CALCOCO2: variants seen among roughly 807,000 people sequenced by gnomAD.
CALCOCO2 encodes the protein calcium-binding and coiled-coil domain-containing protein 2.
Under a neutral mutation model 62.5 loss-of-function variants are expected in CALCOCO2, and 42 were observed. The ratio of observed to expected loss-of-function variants is 0.67; its 90% CI spans 0.53 to 0.87. CALCOCO2 has a LOEUF of 0.87. Among genes scored for constraint, CALCOCO2 ranks in the 40% least tolerant of loss-of-function variants. The pLI is 0.00. For missense variants in CALCOCO2, 456 were observed against 515.0 expected, an observed-to-expected ratio of 0.89 and a Z score of 1.11; for synonymous variants, 167 against 173.0, an observed-to-expected ratio of 0.97 and a Z score of 0.27.
At chr17:48,852,314 A>C in intron 7 of CALCOCO2, 192 bp from the exon 8 acceptor site, 1 of 543,652 alleles carries the variant, frequency 1.8e-6, no homozygotes, top group Non-Finnish European at 3.3e-6. Flanking sequence ...AGCAGATAGC[A>C]GAACTGCTCT....
At position 48,864,068 on chromosome 17, in the gene CALCOCO2, T is replaced by TTC. The variant is rs1239081945; in HGVS notation, c.*1064_*1065insCT. On this transcript the variant is annotated 3_prime_UTR_variant, in exon 13 of 13. Transcript: ENST00000258947. ...CAAGGCCCTGGCTTGCTTTCTTTCT[T>TTC]TTTTTTTTTTTTTTTTTGAAACAGT... 8.6e-5 allele frequency: 10 copies of TTC among 116,248 alleles called. No homozygotes were observed. The highest frequency in any genetic ancestry group is 4.7e-4 in the Admixed American group (6 of 12,780). The allele number at this position is 116,248 out of a possible 1,614,324, so 7.2% of individuals were successfully genotyped here.
At chr17:48,840,218 C>G (rs910319408) in intron 1 of CALCOCO2, among the ~76,000 whole-genome samples, 1 of 152,138 alleles carries the variant, frequency 6.6e-6, no homozygotes, top group Non-Finnish European at 1.5e-5. Context: ...CAGCCTAGAC[C>G]TCCCAGGCTC....
At chr17:48,856,285 T>G in intron 10 of CALCOCO2, 98 bp downstream of exon 10, 1 of 621,370 alleles carries the variant, frequency 1.6e-6, no homozygotes, top group Non-Finnish European at 2.9e-6. Flanking sequence ...TTAAGGGCCC[T>G]TTCTGGGACA....
At position 48,863,894 on chromosome 17, in the gene CALCOCO2, C is replaced by T. The variant is rs948299811; in HGVS notation, c.*889C>T. 6.6e-6 allele frequency: 1 copy of T among 151,934 alleles called. No individual in the cohort carries two copies. The highest frequency in any genetic ancestry group is 1.5e-5 in the Non-Finnish European group (1 of 67,996). The allele number at this position is 151,934 out of a possible 1,614,324, so 9.4% of individuals were successfully genotyped here. ...ATTTATGGTCTTCTGTTTTGAAGCT[C>T]ATGGGAAAATTGTGATCAAAAGGGC... On this transcript the variant is annotated 3_prime_UTR_variant, in exon 13 of 13. Coordinates refer to ENST00000258947, the MANE Select transcript of CALCOCO2 (RefSeq NM_005831.5).
chr17:48,852,877 G>A lies in CALCOCO2; in HGVS notation c.826-49G>A. On this transcript the variant is annotated intron_variant, in intron 8 of 12. Transcript: ENST00000258947. ...GCAGGCCCTTCCATGGTGTGTGTGT[G>A]CATGTGTGTGTTTTCCCAGCAATGG... 2.2e-6 allele frequency: 3 copies of A among 1,345,806 alleles called. No individual in the cohort carries two copies. The South Asian group carries it at 3.5e-5, about 16-fold the overall frequency. 83.4% of individuals were successfully genotyped at this position (1,345,806 alleles called of 1,614,324 possible).
chr17:48,852,881 G>A (rs2040154389), intron 8 of CALCOCO2, 45 bp from the exon 9 acceptor site: 2 of 1,388,066 alleles, frequency 1.4e-6, no homozygotes, highest in Admixed American at 1.7e-5. Context: ...GTGTGTGCAT[G>A]TGTGTGTTTT....
intron 1 of CALCOCO2, among the ~76,000 whole-genome samples, chr17:48,832,057 T>C (rs935255886): frequency 2.0e-5 from 3 of 152,216 alleles, no homozygotes; most frequent in Non-Finnish European, 4.4e-5. Context: ...ACAGGTCATA[T>C]TGTCTTTCGA....
intron 8 of CALCOCO2, 128 bp from the exon 9 acceptor site, chr17:48,852,792 TCAGAAA>T: frequency 2.0e-6 from 2 of 985,390 alleles, no homozygotes; most frequent in Non-Finnish European, 3.1e-6. Context: ...ATGGCTTTCT[TCAGAAA>T]CTGACGAGAG....
At chr17:48,839,862 A>G (rs989741753) in intron 1 of CALCOCO2, among the ~76,000 whole-genome samples, 62 of 150,230 alleles carry the variant, frequency 4.1e-4, no homozygotes, top group Admixed American at 1.1e-3. Context: ...TTTAGTAAAG[A>G]TGGGGTTTCT....
At chr17:48,858,057 A>AATAGGATAGAATAGG (rs1567759590) in intron 10 of CALCOCO2, among the ~76,000 whole-genome samples, 1 of 139,504 alleles carries the variant, frequency 7.2e-6, no homozygotes, top group African/African-American at 2.7e-5. Flanking sequence ...AATAGAATAG[A>AATAGGATAGAATAGG]ATAGAATAGA....
At chr17:48,832,299 C>A (rs1029474443) in intron 1 of CALCOCO2, among the ~76,000 whole-genome samples, 1 of 152,192 alleles carries the variant, frequency 6.6e-6, no homozygotes, top group Non-Finnish European at 1.5e-5. Flanking sequence ...GAGGCTGAGG[C>A]AGGAGAATCG....
In CALCOCO2 at chr17:48,851,642, T is replaced by C; in HGVS notation, c.702+14T>C. ...GATCAGCTTCAGGTAGGTAATGCCA[T>C]ATGTTTGTCAAAGGATATTTTCTTA... On this transcript the variant is annotated intron_variant, in intron 7 of 12. Transcript: ENST00000258947. 6.8e-7 allele frequency: 1 copy of C among 1,480,598 alleles called. No homozygotes were observed. The highest frequency in any genetic ancestry group is 9.5e-7 in the Non-Finnish European group (1 of 1,057,914). 91.7% of individuals were successfully genotyped at this position (1,480,598 alleles called of 1,614,324 possible).
chr17:48,855,679 T>C (rs502952), intron 9 of CALCOCO2: 149,584 of 152,710 alleles, frequency 0.98, 73,357 homozygotes, highest in East Asian at 1. Flanking sequence ...GGAATCACAC[T>C]AACCCAAACC....
At chr17:48,852,409 G>C in intron 7 of CALCOCO2, 97 bp from the exon 8 acceptor site, 1 of 1,099,744 alleles carries the variant, frequency 9.1e-7, no homozygotes. Context: ...GAGTTGCTAG[G>C]GAAACACATC....
intron 2 of CALCOCO2, chr17:48,846,360 C>A (rs1211219638): frequency 4.7e-6 from 3 of 642,064 alleles, no homozygotes; most frequent in Non-Finnish European, 5.4e-6. Flanking sequence ...AAGCCACCAC[C>A]AATGATGGAG....
intron 1 of CALCOCO2, 160 bp from the exon 2 acceptor site, chr17:48,841,538 G>A (rs1258802060): frequency 1.2e-5 from 6 of 484,538 alleles, no homozygotes; most frequent in Admixed American, 4.0e-5. Context: ...GAGATGGCTC[G>A]AAGTGAAACA....
At position 48,841,818 on chromosome 17, in the gene CALCOCO2, C is replaced by T. The variant is rs375681296; in HGVS notation, c.111C>T (p.Asp37=). 43 of 1,613,186 alleles carry T rather than the reference C, an allele frequency of 2.7e-5. No homozygotes were observed. The Middle Eastern group carries it at 6.6e-4, about 25-fold the overall frequency. ...SVEKFYIPGG[D]VTCHYTFTQH... ...AGAAGTTCTACATCCCTGGAGGGGA[C>T]GTCACATGTCATTATACCTTCACCC... The change falls in exon 2 of 13, where the codon GAC becomes GAT. Residue 37 remains aspartate, a synonymous_variant. Transcript: ENST00000258947.
rs200836727 is a variant in CALCOCO2 at position 48,842,154 on chromosome 17, C to CTT, written c.180+285_180+286dup. 4.1e-3 allele frequency: 563 copies of CTT among 136,552 alleles called. 7 individuals carry two copies. The highest frequency in any genetic ancestry group is 6.2e-3 in the Non-Finnish European group (417 of 66,842). 8.5% of individuals were successfully genotyped at this position (136,552 alleles called of 1,614,324 possible). On this transcript the variant is annotated intron_variant, in intron 2 of 12. Transcript: ENST00000258947. ...GCTTTTTTTTTTGCTTTTTTCTTTT[C>CTT]TTTTTTTTTTTTTTTTTTTGAAATA...
At chr17:48,846,542 A>G (rs2040055875) in intron 2 of CALCOCO2, 5 of 1,055,974 alleles carry the variant, frequency 4.7e-6, no homozygotes, top group Non-Finnish European at 5.6e-6. Context: ...CCCTGTTCCA[A>G]GGCAGCAATA....
Sources: allele counts gnomAD v4.1 joint callset (sites outside exome capture counted in the v4.1 genomes callset), GRCh38; gene constraint gnomAD v4.1.1; transcripts MANE v1.5; gene names NCBI Gene and HGNC (gene_info 2026-07-23, HGNC 2026-07-21).